Variants in RSPH9 observed in about 807,000 individuals in gnomAD.
The protein encoded by RSPH9 is radial spoke head protein 9 homolog.
Under a neutral mutation model 27.0 loss-of-function variants are expected in RSPH9, and 27 were observed. The ratio of observed to expected loss-of-function variants is 1.00; its 90% CI spans 0.74 to 1.38. RSPH9 has a LOEUF of 1.38. Ranked by LOEUF, RSPH9 falls within the 40% of genes most tolerant of loss-of-function variation. The probability of loss-of-function intolerance (pLI) is 0.00; values close to 1 mark genes in which losing one functional copy is unlikely to be tolerated. For missense variants in RSPH9, 347 were observed against 357.4 expected (o/e 0.97, Z 0.24); for synonymous variants, 145 against 147.7 (o/e 0.98, Z 0.13).
chr6:43,660,039 CTTTTTTT>C (rs1163299257), intron 4 of RSPH9, among the ~76,000 whole-genome samples: 2,472 of 109,330 alleles, frequency 0.023, 74 homozygotes, highest in African/African-American at 0.082. Context: ...CCAGCCTGGC[CTTTTTTT>C]TTTTTTTTTT....
chr6:43,668,295 G>A (rs1002626252), intron 4 of RSPH9, among the ~76,000 whole-genome samples: 6 of 152,166 alleles, frequency 3.9e-5, no homozygotes, highest in African/African-American at 1.4e-4. Context: ...CTCCTGGCAC[G>A]TTGAGTCTGT....
chr6:43,648,941 T>C (rs1771160363), intron 1 of RSPH9, among the ~76,000 whole-genome samples: 2 of 152,104 alleles, frequency 1.3e-5, no homozygotes, highest in African/African-American at 2.4e-5. Context: ...TCTTGGCCGT[T>C]AGGTGTCAAG....
At chr6:43,656,797 T>C in intron 4 of RSPH9, 74 bp downstream of exon 4, 2 of 1,541,770 alleles carry the variant, frequency 1.3e-6, no homozygotes, top group Non-Finnish European at 1.8e-6. Flanking sequence ...CCTGCCATTT[T>C]CCTCTGAGAC....
At chr6:43,659,834 G>T (rs966742743) in intron 4 of RSPH9, among the ~76,000 whole-genome samples, 9 of 151,958 alleles carry the variant, frequency 5.9e-5, no homozygotes, top group Middle Eastern at 3.4e-3. Context: ...CCGGGTTCAC[G>T]CCATTCTCCT....
At chr6:43,651,350 G>T (rs906124024) in intron 2 of RSPH9, among the ~76,000 whole-genome samples, 1 of 152,108 alleles carries the variant, frequency 6.6e-6, no homozygotes, top group Admixed American at 6.5e-5. Context: ...GGAAGAGGGG[G>T]TGCTCTGTGC....
chr6:43,661,159 C>T (rs912799168), intron 4 of RSPH9, among the ~76,000 whole-genome samples: 10 of 152,196 alleles, frequency 6.6e-5, no homozygotes, highest in African/African-American at 2.4e-4. Context: ...TATAAACAGA[C>T]ATGCTGTCAT....
At position 43,672,211 on chromosome 6, in the gene RSPH9, G is replaced by A; in HGVS notation, c.*1262G>A. On this transcript the variant is annotated 3_prime_UTR_variant, in exon 5 of 5. Transcript: ENST00000372163. ...TTTGCTGAGGAAAAGGTGGCGAAGA[G>A]GCTGCCTGAAGAGCAGATCATTCCT... The A allele has an allele frequency of 2.1e-6, 1 of 472,886 alleles. No individual in the cohort carries two copies. The highest frequency in any genetic ancestry group is 4.1e-6 in the Non-Finnish European group (1 of 246,110). 29.3% of individuals were successfully genotyped at this position (472,886 alleles called of 1,614,324 possible). A position where few individuals can be genotyped will look rare whatever the true frequency, so the allele number is the denominator to read the frequency against.
rs544410027 is a variant in RSPH9 at position 43,671,895 on chromosome 6, C to G, written c.*946C>G. 2 of 1,609,292 alleles carry G rather than the reference C, an allele frequency of 1.2e-6. No homozygotes were observed. The highest frequency in any genetic ancestry group is 2.2e-5 in the South Asian group (2 of 90,396). ...GGGCTTGACGGAGCCAGGAGCCCAG[C>G]GCGTCAGGTACCTGTGGAGGGAGAA... On this transcript the variant is annotated 3_prime_UTR_variant, in exon 5 of 5. Coordinates refer to ENST00000372163, the MANE Select transcript of RSPH9 (RefSeq NM_152732.5).
rs769366839 is a variant in RSPH9, at chr6:43,670,926, A to C, written c.808A>C (p.Met270Leu). 2 of 1,614,208 alleles carry C rather than the reference A, an allele frequency of 1.2e-6. No individual in the cohort carries two copies. Among genetic ancestry groups the C allele is most frequent in the Non-Finnish European group, 1.7e-6 (2 of 1,180,038 alleles). ...CTACGTGGGCACTGGCGAGAAGAAC[A>C]TGGACTTGCCCTTCATGCTATAGAA... Reference protein sequence around the residue: ...YVYVGTGEKNMDLPFML With the variant: ...YVYVGTGEKNLDLPFML The change falls in exon 5 of 5, where the codon ATG (methionine) becomes CTG (leucine). Residue 270 changes from methionine (M) to leucine (L), a missense_variant. Met to Leu is a conservative substitution (Grantham distance 15, BLOSUM62 2). Transcript: ENST00000372163.
At chr6:43,647,184 C>A (rs900425608) in intron 1 of RSPH9, among the ~76,000 whole-genome samples, 9 of 145,590 alleles carry the variant, frequency 6.2e-5, no homozygotes, top group African/African-American at 2.0e-4. Context: ...CCAGCAACGG[C>A]CTATTTATTT....
chr6:43,651,535 T>C (rs1433540055), intron 2 of RSPH9, among the ~76,000 whole-genome samples: 1 of 151,940 alleles, frequency 6.6e-6, no homozygotes, highest in Admixed American at 6.6e-5. Flanking sequence ...GGACATTAAC[T>C]CTCTCTCTCT....
chr6:43,665,676 C>G (rs147614159), intron 4 of RSPH9, among the ~76,000 whole-genome samples: 6 of 152,262 alleles, frequency 3.9e-5, no homozygotes, highest in Non-Finnish European at 7.4e-5. Context: ...GAGCTGGAAC[C>G]TTGGAAGCTG....
At chr6:43,668,572 C>T (rs1462202842) in intron 4 of RSPH9, among the ~76,000 whole-genome samples, 1 of 152,216 alleles carries the variant, frequency 6.6e-6, no homozygotes, top group Non-Finnish European at 1.5e-5. Context: ...GCCCCCCGCC[C>T]CCTGCATTAT....
In RSPH9 at chr6:43,671,992, G is replaced by T; in HGVS notation, c.*1043G>T. ...AGTGGAGCACTACCTCCTCAGGCCA[G>T]GCCACGGTTGGGCAAGCAAATCCTT... On this transcript the variant is annotated 3_prime_UTR_variant, in exon 5 of 5. Coordinates refer to ENST00000372163, the MANE Select transcript of RSPH9 (RefSeq NM_152732.5). 1 of 1,415,962 alleles carries T rather than the reference G, an allele frequency of 7.1e-7. No homozygotes were observed. The highest frequency in any genetic ancestry group is 1.4e-5 in the African/African-American group (1 of 69,292). The allele number at this position is 1,415,962 out of a possible 1,614,324, so 87.7% of individuals were successfully genotyped here.
chr6:43,665,063 G>A (rs947059804), intron 4 of RSPH9, among the ~76,000 whole-genome samples: 1 of 152,240 alleles, frequency 6.6e-6, no homozygotes, highest in Non-Finnish European at 1.5e-5. Context: ...ATCAGAAGAT[G>A]AAACTCTCCT....
intron 4 of RSPH9, among the ~76,000 whole-genome samples, chr6:43,669,370 CCT>C (rs1238171018): frequency 2.0e-5 from 3 of 152,182 alleles, no homozygotes; most frequent in Non-Finnish European, 2.9e-5. Context: ...GCGGCTGCAC[CCT>C]GAGTAAGGGT....
intron 4 of RSPH9, chr6:43,666,361 T>A: frequency 3.1e-6 from 4 of 1,302,144 alleles, no homozygotes; most frequent in African/African-American, 2.9e-5. Context: ...ACACCAGGAC[T>A]GGCTGGAGGG....
intron 4 of RSPH9, among the ~76,000 whole-genome samples, chr6:43,659,778 C>T (rs1157672841): frequency 6.6e-6 from 1 of 151,328 alleles, no homozygotes; most frequent in Admixed American, 6.6e-5. Flanking sequence ...ATCGCCCAGG[C>T]TGGAGTGCAA....
Position 43,656,667 on chromosome 6 carries a change from C to T in RSPH9, c.614C>T (p.Ala205Val). The change falls in exon 4 of 5, where the codon GCT (alanine) becomes GTT (valine). Residue 205 changes from alanine (A) to valine (V), a missense_variant. Physicochemically the swap from Ala to Val is moderately conservative, Grantham distance 64. Coordinates refer to ENST00000372163, the MANE Select transcript of RSPH9 (RefSeq NM_152732.5). ...ELKNKTLLEK[A>V]DLDPSLDFMD... ...AAGAATAAGACCTTGCTTGAGAAGG[C>T]TGACCTGGACCCCTCCCTGGATTTC... 1 of 1,614,194 alleles carries T rather than the reference C, an allele frequency of 6.2e-7. No individual in the cohort carries two copies. The highest frequency in any genetic ancestry group is 1.1e-5 in the South Asian group (1 of 91,086).
Sources: gnomAD v4.1 joint callset for allele counts (sites outside exome capture counted in the v4.1 genomes callset) on GRCh38, gnomAD v4.1.1 for gene constraint, MANE v1.5 for transcripts, NCBI Gene and HGNC (gene_info 2026-07-23, HGNC 2026-07-21) for gene names.